The following ZNF221 variants were observed in gnomAD, a reference collection of about 807,000 sequenced individuals.
ZNF221 encodes the protein zinc finger protein 221.
A neutral mutation model predicts 12.6 loss-of-function variants in ZNF221; 10 were observed. The observed-to-expected ratio is 0.79, with a 90% CI of 0.49 to 1.34. The LOEUF (loss-of-function observed/expected upper bound fraction) is 1.34. Among genes scored for constraint, ZNF221 ranks in the 40% most tolerant of loss-of-function variants. ZNF221 has a pLI of 0.00. For missense variants in ZNF221, 661 were observed against 721.4 expected, an observed-to-expected ratio of 0.92 and a Z score of 0.96; for synonymous variants, 232 against 244.0, an observed-to-expected ratio of 0.95 and a Z score of 0.46.
chr19:43,959,556 G>T (rs575037408), intron 1 of ZNF221, among the ~76,000 whole-genome samples: 1 of 152,318 alleles, frequency 6.6e-6, no homozygotes, highest in East Asian at 1.9e-4. Context: ...TGATTAGTGA[G>T]TTCCTGCTCA....
chr19:43,975,739 T>G, the ZNF221 span, among the ~76,000 whole-genome samples: 1 of 152,026 alleles, frequency 6.6e-6, no homozygotes, highest in East Asian at 1.9e-4. Flanking sequence ...AAAGGAGAAA[T>G]CTTGCAAGAA....
intron 1 of ZNF221, among the ~76,000 whole-genome samples, chr19:43,960,643 C>T (rs1197110777): frequency 6.6e-6 from 1 of 152,234 alleles, no homozygotes; most frequent in Non-Finnish European, 1.5e-5. Flanking sequence ...TGAGCAGCCT[C>T]AAGACATTGT....
At chr19:43,953,386 T>C (rs1311142989) in intron 1 of ZNF221, among the ~76,000 whole-genome samples, 11 of 152,034 alleles carry the variant, frequency 7.2e-5, no homozygotes, top group Admixed American at 7.2e-4. Context: ...GGTATGCCAC[T>C]CTCCAGGAAC....
chr19:43,957,084 A>T (rs1974768520), intron 1 of ZNF221, among the ~76,000 whole-genome samples: 1 of 152,186 alleles, frequency 6.6e-6, no homozygotes, highest in Non-Finnish European at 1.5e-5. Context: ...ATTGGTCAAA[A>T]CTCAGTGACT....
At chr19:43,960,116 G>A (rs1974819996) in intron 1 of ZNF221, 1 of 152,054 alleles carries the variant, frequency 6.6e-6, no homozygotes. Flanking sequence ...GGAAGTTATT[G>A]GGAACTGGAG....
downstream of ZNF221, among the ~76,000 whole-genome samples, chr19:43,972,516 TAAA>T (rs1418139593): frequency 1.3e-5 from 2 of 151,402 alleles, no homozygotes; most frequent in African/African-American, 4.9e-5. Context: ...ACTAGACTAA[TAAA>T]GAAGAAAAGA....
At chr19:43,978,190 TG>T in the ZNF221 span, among the ~76,000 whole-genome samples, 1 of 152,196 alleles carries the variant, frequency 6.6e-6, no homozygotes, top group East Asian at 1.9e-4. Context: ...GAAGAGCAAG[TG>T]TTCCAAATAA....
chr19:43,962,151 G>A lies in ZNF221; in HGVS notation c.-2-574G>A, dbSNP rs572826225. Among the ~76,000 whole-genome samples, 15 of 152,136 alleles carry A rather than the reference G, an allele frequency of 9.9e-5. No individual in the cohort carries two copies. The South Asian group carries it at 2.5e-3, about 25-fold the overall frequency. On this transcript the variant is annotated intron_variant, in intron 1 of 4. Coordinates refer to ENST00000587682, the MANE Select transcript of ZNF221 (RefSeq NM_001297588.2). Reference sequence around the variant, plus strand: ...CAGTTAAATAACATGTAGATTAACTGTTATTATTTCCAACTTTATTGAGGT... The same window carrying A: ...CAGTTAAATAACATGTAGATTAACTATTATTATTTCCAACTTTATTGAGGT...
rs1378408957 is a variant in ZNF221 at position 43,967,009 on chromosome 19, G to C, written c.1507G>C (p.Glu503Gln). 1 of 1,613,512 alleles carries C rather than the reference G, an allele frequency of 6.2e-7. No individual in the cohort carries two copies. Among genetic ancestry groups the C allele is most frequent in the Non-Finnish European group, 8.5e-7 (1 of 1,179,860 alleles). Residue 503 changes from glutamate to glutamine, a missense_variant, in exon 5 of 5, where the codon GAA becomes CAA. Glu to Gln is a conservative substitution (Grantham distance 29, BLOSUM62 2). Transcript: ENST00000587682. ...LLKHQRLHSG[E>Q]KPFKCEECGK... ...GAAACATCAGAGACTCCACAGTGGG[G>C]AAAAACCTTTCAAATGTGAAGAGTG...
chr19:43,966,638 G>A lies in ZNF221; in HGVS notation c.1136G>A (p.Arg379Gln), dbSNP rs531517472. Residue 379 changes from arginine to glutamine, a missense_variant, in exon 5 of 5, where the codon CGA (arginine) becomes CAA (glutamine). Coordinates refer to ENST00000587682, the MANE Select transcript of ZNF221 (RefSeq NM_001297588.2). ...TGTGGAAAAGGCTTCATTTGTAGGCGAGATTTTTGTAAGCATCAGATGGTC... is the reference window on the plus strand; with the variant it reads ...TGTGGAAAAGGCTTCATTTGTAGGCAAGATTTTTGTAAGCATCAGATGGTC... ...EQCGKGFICR[R>Q]DFCKHQMVHT... 8.7e-6 allele frequency: 14 copies of A among 1,613,408 alleles called. No homozygotes were observed. Among genetic ancestry groups the A allele is most frequent in the Middle Eastern group, 1.6e-4 (1 of 6,072 alleles).
At chr19:43,954,594 A>T (rs146156268) in intron 1 of ZNF221, among the ~76,000 whole-genome samples, 1 of 152,136 alleles carries the variant, frequency 6.6e-6, no homozygotes, top group Non-Finnish European at 1.5e-5. Flanking sequence ...CTGTTAGCCC[A>T]ATTTTGCCAG....
At chr19:43,973,105 A>G in the ZNF221 span, among the ~76,000 whole-genome samples, 34 of 152,330 alleles carry the variant, frequency 2.2e-4, no homozygotes, top group East Asian at 6.4e-3. Context: ...AACATATGCA[A>G]ATCAATAAAT....
In ZNF221 at chr19:43,966,443, T is replaced by C; in HGVS notation, c.941T>C (p.Ile314Thr). The C allele has an allele frequency of 6.2e-7, 1 of 1,614,114 alleles. No homozygotes were observed. Among genetic ancestry groups the C allele is most frequent in the Non-Finnish European group, 8.5e-7 (1 of 1,180,026 alleles). The change falls in exon 5 of 5, where the codon ATA becomes ACA. Residue 314 changes from isoleucine to threonine, a missense_variant. Transcript: ENST00000587682. ...GGGGAGAAGCCATTCAAATGTGATA[T>C]ATGTGGTAAGAGCTTCCGTGTTAGA... ...HTGEKPFKCD[I>T]CGKSFRVRSR...
At chr19:43,978,945 T>G in the ZNF221 span, among the ~76,000 whole-genome samples, 53 of 150,362 alleles carry the variant, frequency 3.5e-4, no homozygotes, top group East Asian at 2.5e-3. Flanking sequence ...TTTTTTTTTT[T>G]TTTTTTTTTT....
At chr19:43,954,083 C>CAAAAA (rs5828186) in intron 1 of ZNF221, among the ~76,000 whole-genome samples, 15 of 86,662 alleles carry the variant, frequency 1.7e-4, no homozygotes, top group Admixed American at 6.8e-4. Context: ...GACTCCGTCT[C>CAAAAA]AAAAAAAAAA....
chr19:43,965,128 G>A, intron 3 of ZNF221, 52 bp downstream of exon 3: 7 of 1,605,806 alleles, frequency 4.4e-6, no homozygotes, highest in Non-Finnish European at 6.0e-6. Context: ...GAATGGCTTT[G>A]TATTCCAAGT....
Position 43,966,516 on chromosome 19 carries a change from C to A in ZNF221, c.1014C>A (p.Phe338Leu), listed in dbSNP as rs762141044. 6.2e-7 allele frequency: 1 copy of A among 1,614,116 alleles called. No homozygotes were observed. The highest frequency in any genetic ancestry group is 8.5e-7 in the Non-Finnish European group (1 of 1,180,004). ...TGGTTCACACAGGAGAAAAACCATT[C>A]AGATGTGATACATGTGGCAAGAACT... ...HSMVHTGEKP[F>L]RCDTCGKNFR... Residue 338 changes from phenylalanine (F) to leucine (L), a missense_variant, in exon 5 of 5, where the codon TTC becomes TTA. By Grantham distance (22) the Phe-to-Leu change is conservative. Coordinates refer to ENST00000587682, the MANE Select transcript of ZNF221 (RefSeq NM_001297588.2).
At chr19:43,963,053 C>T (rs1429258225) in intron 2 of ZNF221, among the ~76,000 whole-genome samples, 1 of 152,212 alleles carries the variant, frequency 6.6e-6, no homozygotes, top group East Asian at 1.9e-4. Flanking sequence ...TTCACTACTT[C>T]TCTGCTCACA....
the ZNF221 span, chr19:43,978,230 C>T: frequency 6.6e-6 from 1 of 152,182 alleles, no homozygotes; most frequent in Non-Finnish European, 1.5e-5. Context: ...GGCGCAGTGA[C>T]CACTCCTACC....
Sources: allele counts gnomAD v4.1 joint callset (sites outside exome capture counted in the v4.1 genomes callset), GRCh38; gene constraint gnomAD v4.1.1; transcripts MANE v1.5; gene names NCBI Gene and HGNC (gene_info 2026-07-23, HGNC 2026-07-21).